OTUD7A: variants seen among roughly 807,000 people sequenced by gnomAD.
The protein encoded by OTUD7A is OTU domain-containing protein 7A.
OTUD7A carries 12 observed loss-of-function variants against 65.7 expected under a neutral mutation model. The observed-to-expected ratio is 0.18, with a 90% CI of 0.12 to 0.30. OTUD7A has a LOEUF of 0.30. Ranked by LOEUF, OTUD7A falls within the 10% of genes least tolerant of loss-of-function variation. The probability of loss-of-function intolerance (pLI) is 1.00; values close to 1 mark genes in which losing one functional copy is unlikely to be tolerated. For missense variants in OTUD7A, 1,148 were observed against 1,304.8 expected, an observed-to-expected ratio of 0.88 and a Z score of 1.85; for synonymous variants, 641 against 586.3, an observed-to-expected ratio of 1.09 and a Z score of -1.35.
intron 4 of OTUD7A, among the ~76,000 whole-genome samples, chr15:31,560,183 C>T (rs2141159626): frequency 6.6e-6 from 1 of 152,380 alleles, no homozygotes; most frequent in South Asian, 2.1e-4. Flanking sequence ...ATCATTCAGG[C>T]ATCCACAGCA....
intron 1 of OTUD7A, among the ~76,000 whole-genome samples, chr15:31,703,908 CACA>C (rs966311312): frequency 1.3e-5 from 2 of 148,190 alleles, no homozygotes; most frequent in African/African-American, 4.9e-5. Context: ...TCTTGATAAC[CACA>C]ACAACTTGGA....
intron 8 of OTUD7A, among the ~76,000 whole-genome samples, chr15:31,509,230 AAT>A (rs2041636266): frequency 6.6e-6 from 1 of 152,084 alleles, no homozygotes; most frequent in Non-Finnish European, 1.5e-5. Context: ...CTCTTTAGCT[AAT>A]ATGTTTACAT....
In OTUD7A at chr15:31,483,583, G is replaced by T. The variant is rs1384333755; in HGVS notation, c.2513C>A (p.Pro838His). ...CCCCGCCGCGCCCGGTAGGGCCCCG[G>T]GCACCGCGCGCGCCAGCGACTCGAC... ...NTVESLARAV[P>H]GALPGAAGTA... The change falls in exon 13 of 13, where the codon CCC becomes CAC. Residue 838 changes from proline to histidine, a missense_variant. Pro to His is a moderately conservative substitution (Grantham distance 77). This residue lies in a region of OTUD7A where 842 missense variants were observed against 769.5 expected (regional missense o/e 1.09). Coordinates refer to ENST00000307050, the MANE Select transcript of OTUD7A (RefSeq NM_001382637.1). The T allele has an allele frequency of 1.6e-6, 2 of 1,244,086 alleles. No individual in the cohort carries two copies. Among genetic ancestry groups the T allele is most frequent in the East Asian group, 3.6e-5 (1 of 27,998 alleles). The allele number at this position is 1,244,086 out of a possible 1,614,324, so 77.1% of individuals were successfully genotyped here.
At chr15:31,842,116 T>C (rs757915558) in intron 1 of OTUD7A, among the ~76,000 whole-genome samples, 118 of 152,216 alleles carry the variant, frequency 7.8e-4, no homozygotes, top group African/African-American at 2.7e-3. Context: ...ACACATAATA[T>C]TGAGTGAAAG....
intron 1 of OTUD7A, among the ~76,000 whole-genome samples, chr15:31,720,155 G>C (rs1275064567): frequency 1.3e-5 from 2 of 150,562 alleles, no homozygotes; most frequent in Admixed American, 6.6e-5. Context: ...AAGAATCGTG[G>C]AAAAGTTTAA....
chr15:31,535,543 G>T (rs1226107733), intron 5 of OTUD7A, among the ~76,000 whole-genome samples: 1 of 151,974 alleles, frequency 6.6e-6, no homozygotes, highest in Admixed American at 6.6e-5. Context: ...TTACCCAAGA[G>T]AAATGAAAAC....
At chr15:31,686,795 G>A (rs1432760710) in intron 1 of OTUD7A, among the ~76,000 whole-genome samples, 1 of 152,218 alleles carries the variant, frequency 6.6e-6, no homozygotes, top group Admixed American at 6.5e-5. Flanking sequence ...GAAGCCAACA[G>A]AAAGCATGTC....
intron 3 of OTUD7A, among the ~76,000 whole-genome samples, chr15:31,571,761 G>A (rs1889061731): frequency 6.6e-6 from 1 of 152,146 alleles, no homozygotes; most frequent in Admixed American, 6.5e-5. Flanking sequence ...GTAAGCAACG[G>A]AGCTGAGATT....
intron 1 of OTUD7A, among the ~76,000 whole-genome samples, chr15:31,812,868 T>C (rs1420791097): frequency 2.0e-5 from 3 of 152,192 alleles, no homozygotes; most frequent in African/African-American, 7.2e-5. Context: ...ACCCTTGATC[T>C]TAACATGCAA....
chr15:31,525,271 C>T (rs1222494406), intron 8 of OTUD7A, among the ~76,000 whole-genome samples: 1 of 152,258 alleles, frequency 6.6e-6, no homozygotes, highest in Admixed American at 6.5e-5. Flanking sequence ...ACTGAGTCTT[C>T]AGAATGCTTG....
chr15:31,855,962 T>C (rs1233084576), intron 1 of OTUD7A, among the ~76,000 whole-genome samples: 1 of 152,140 alleles, frequency 6.6e-6, no homozygotes, highest in East Asian at 1.9e-4. Flanking sequence ...CCGGGGGACA[T>C]TACTTCCTGC....
At chr15:31,832,366 A>C (rs1435176506) in intron 1 of OTUD7A, among the ~76,000 whole-genome samples, 3 of 152,188 alleles carry the variant, frequency 2.0e-5, no homozygotes, top group Non-Finnish European at 2.9e-5. Context: ...CAATACAGAA[A>C]CATTTACACG....
chr15:31,526,709 G>A (rs1003271085), intron 7 of OTUD7A, among the ~76,000 whole-genome samples: 2 of 152,192 alleles, frequency 1.3e-5, no homozygotes, highest in African/African-American at 4.8e-5. Context: ...TCAGGGGCTG[G>A]GGATGACCGA....
chr15:31,808,133 ACACAAAC>A (rs1448037652), intron 1 of OTUD7A, among the ~76,000 whole-genome samples: 45 of 115,014 alleles, frequency 3.9e-4, no homozygotes, highest in Non-Finnish European at 5.5e-4. Context: ...ACACACACAC[ACACAAAC>A]AAATCCTCAC....
At chr15:31,551,048 G>C (rs1888306588) in intron 5 of OTUD7A, among the ~76,000 whole-genome samples, 1 of 152,178 alleles carries the variant, frequency 6.6e-6, no homozygotes, top group African/African-American at 2.4e-5. Context: ...TAGAGCAGCT[G>C]TGTGGATGGA....
At chr15:31,735,061 C>CAA (rs57350468) in intron 1 of OTUD7A, among the ~76,000 whole-genome samples, 2 of 150,354 alleles carry the variant, frequency 1.3e-5, no homozygotes, top group Non-Finnish European at 3.0e-5. Context: ...AAGAAAAAAA[C>CAA]CCCACTAAAA....
At position 31,766,454 on chromosome 15, in the gene OTUD7A, T is replaced by C; in HGVS notation, c.-100+104053A>G. 1.9e-6 allele frequency: 3 copies of C among 1,586,292 alleles called. No homozygotes were observed. In the South Asian group the frequency reaches 3.3e-5, roughly 18 times the overall value. On this transcript the variant is annotated intron_variant, in intron 1 of 12. Transcript: ENST00000307050. ...CAGTCAACACAGAAGAAGCTGGAAG[T>C]AAAGAGTCTTCTGAAAGTTCTATTG...
intron 8 of OTUD7A, among the ~76,000 whole-genome samples, chr15:31,513,360 C>T (rs2041788991): frequency 6.6e-6 from 1 of 152,228 alleles, no homozygotes; most frequent in African/African-American, 2.4e-5. Flanking sequence ...TACACAACCA[C>T]CACACGGCTA....
chr15:31,529,437 C>T (rs541296518), intron 6 of OTUD7A, among the ~76,000 whole-genome samples: 14 of 152,140 alleles, frequency 9.2e-5, no homozygotes, highest in African/African-American at 2.9e-4. Flanking sequence ...GACAAAAGAC[C>T]GGAAGATGAT....
Sources: allele counts gnomAD v4.1 joint callset (sites outside exome capture counted in the v4.1 genomes callset), GRCh38; gene constraint gnomAD v4.1.1; regional missense constraint gnomAD v4.1.1; transcripts MANE v1.5; gene names NCBI Gene and HGNC (gene_info 2026-07-23, HGNC 2026-07-21).